The following GFRAL variants were observed in gnomAD, a reference collection of about 807,000 sequenced individuals.
GFRAL encodes the protein GDNF family receptor alpha like.
A neutral mutation model predicts 45.4 loss-of-function variants in GFRAL; 36 were observed. That is an observed-to-expected ratio of 0.79 (90% CI 0.61 to 1.05). The LOEUF (loss-of-function observed/expected upper bound fraction) is 1.05, where lower values mean the gene tolerates loss of function less well. GFRAL is among the 50% of genes least tolerant of loss of function. GFRAL has a pLI of 0.00. For synonymous variants in GFRAL, 166 were observed against 154.1 expected (o/e 1.08, Z -0.57); for missense variants, 507 against 467.5 (o/e 1.08, Z -0.78).
At chr6:55,334,051 A>T in intron 3 of GFRAL, 107 bp downstream of exon 3, 6 of 748,128 alleles carry the variant, frequency 8.0e-6, no homozygotes, top group Non-Finnish European at 1.0e-5. Flanking sequence ...AATTTGATTA[A>T]TTCTTTTCAA....
Position 55,401,822 on chromosome 6 carries a change from C to T in GFRAL, c.1154C>T (p.Pro385Leu). 1.3e-6 allele frequency: 2 copies of T among 1,551,922 alleles called. No homozygotes were observed. The highest frequency in any genetic ancestry group is 1.8e-6 in the Non-Finnish European group (2 of 1,123,054). ...TSRISSKARDPSSIQIPGEL is the reference protein window; with the variant it reads ...TSRISSKARDLSSIQIPGEL The stretch of plus-strand genomic sequence containing the variant: ...AGAATATCAAGTAAAGCAAGAGATC[C>T]TTCATCGATCCAAATACCTGGAGAA... The change falls in exon 9 of 9, where the codon CCT becomes CTT. Residue 385 changes from proline to leucine, a missense_variant. By Grantham distance (98) the Pro-to-Leu change is moderately conservative. Transcript: ENST00000340465.
At chr6:55,349,696 A>C (rs573670817) in intron 3 of GFRAL, among the ~76,000 whole-genome samples, 10 of 152,144 alleles carry the variant, frequency 6.6e-5, no homozygotes, top group African/African-American at 2.4e-4. Context: ...ATACTAAAGA[A>C]GACCCTTCTG....
rs150937123 is a variant in GFRAL, at chr6:55,335,143, A to G, written c.316+1199A>G. ...AATGTATAAAAGTTCCTGTTGCTTC[A>G]TATTCCCAGCAACACATTTTTTTGC... On this transcript the variant is annotated intron_variant, in intron 3 of 8. Coordinates refer to ENST00000340465, the MANE Select transcript of GFRAL (RefSeq NM_207410.2). 3.9e-5 allele frequency among the ~76,000 whole-genome samples: 6 copies of G among 152,282 alleles called. No individual in the cohort carries two copies. In the East Asian group the frequency reaches 1.2e-3, roughly 29 times the overall value.
intron 6 of GFRAL, among the ~76,000 whole-genome samples, chr6:55,395,173 A>ATATATATATATATATATATATATATAT (rs35935725): frequency 1.3e-4 from 13 of 103,556 alleles, no homozygotes; most frequent in African/African-American, 6.5e-4. Flanking sequence ...AAAAAAAAAA[A>ATATATATATATATATATATATATATAT]AAATATATAT....
intron 2 of GFRAL, among the ~76,000 whole-genome samples, chr6:55,332,717 T>A (rs1293133796): frequency 6.6e-6 from 1 of 152,130 alleles, no homozygotes; most frequent in East Asian, 1.9e-4. Flanking sequence ...CCACCGTGCC[T>A]GGCCTATATT....
intron 6 of GFRAL, among the ~76,000 whole-genome samples, chr6:55,373,087 C>CG (rs1554190145): frequency 4.7e-5 from 6 of 127,590 alleles, no homozygotes; most frequent in Admixed American, 7.6e-5. Flanking sequence ...AGCAAAACCT[C>CG]AAAAAAAAAA....
chr6:55,348,951 G>A (rs1478825613), intron 3 of GFRAL, among the ~76,000 whole-genome samples: 1 of 151,972 alleles, frequency 6.6e-6, no homozygotes, highest in East Asian at 1.9e-4. Flanking sequence ...CTAGACTTTT[G>A]TACCTGTTAC....
chr6:55,379,765 T>G (rs1219673306), intron 6 of GFRAL, among the ~76,000 whole-genome samples: 2 of 151,938 alleles, frequency 1.3e-5, no homozygotes, highest in African/African-American at 4.8e-5. Context: ...CTGAATTTTT[T>G]CTTCCTATCT....
intron 6 of GFRAL, among the ~76,000 whole-genome samples, 167 bp from the exon 7 acceptor site, chr6:55,399,012 AG>A (rs1768861970): frequency 2.0e-5 from 3 of 152,140 alleles, no homozygotes; most frequent in African/African-American, 7.2e-5. Context: ...GGGGAAAAAC[AG>A]GCTGTTAAAA....
At chr6:55,368,753 T>TG (rs902847125) in intron 6 of GFRAL, among the ~76,000 whole-genome samples, 16 of 152,140 alleles carry the variant, frequency 1.1e-4, no homozygotes, top group South Asian at 8.3e-4. Flanking sequence ...TTAGGCTGCT[T>TG]GGGGGTCAGG....
intron 3 of GFRAL, among the ~76,000 whole-genome samples, chr6:55,346,928 T>C (rs1203348836): frequency 6.8e-6 from 1 of 147,854 alleles, no homozygotes; most frequent in Non-Finnish European, 1.5e-5. Context: ...CTATAACCTG[T>C]AATATTGGTG....
chr6:55,395,352 A>T (rs1037865513), intron 6 of GFRAL, among the ~76,000 whole-genome samples: 5 of 151,794 alleles, frequency 3.3e-5, no homozygotes, highest in African/African-American at 1.2e-4. Flanking sequence ...ACCTCCACAT[A>T]TGAAATATAA....
chr6:55,373,820 T>C (rs949583685), intron 6 of GFRAL, among the ~76,000 whole-genome samples: 12 of 151,996 alleles, frequency 7.9e-5, no homozygotes, highest in African/African-American at 2.7e-4. Context: ...CATGCCATAG[T>C]GGTTTGCTGC....
chr6:55,392,635 A>C (rs1768768682), intron 6 of GFRAL, among the ~76,000 whole-genome samples: 1 of 152,172 alleles, frequency 6.6e-6, no homozygotes, highest in Admixed American at 6.5e-5. Flanking sequence ...TAGCACTTGA[A>C]AGGTCAGGCA....
intron 5 of GFRAL, among the ~76,000 whole-genome samples, chr6:55,353,094 G>T (rs570833764): frequency 6.6e-5 from 10 of 152,136 alleles, no homozygotes; most frequent in African/African-American, 2.4e-4. Context: ...AGTGTGCAAA[G>T]GGGAGAGAAA....
At chr6:55,333,129 A>G (rs955421554) in intron 2 of GFRAL, among the ~76,000 whole-genome samples, 4 of 152,142 alleles carry the variant, frequency 2.6e-5, no homozygotes, top group African/African-American at 9.6e-5. Context: ...GTAAATTGCA[A>G]TAATATTTGC....
Position 55,350,081 on chromosome 6 carries a change from T to C in GFRAL, c.317-11T>C. 1.4e-6 allele frequency: 2 copies of C among 1,465,060 alleles called. No homozygotes were observed. The highest frequency in any genetic ancestry group is 1.9e-6 in the Non-Finnish European group (2 of 1,048,034). 90.8% of individuals were successfully genotyped at this position (1,465,060 alleles called of 1,614,324 possible). ...TTCAATAATGAAATAATTTCTTTGT[T>C]TTCCTTCTAGATAACGTGAAAGAGG... is the stretch of plus-strand genomic sequence containing the variant. On this transcript the variant is annotated splice_polypyrimidine_tract_variant and intron_variant, in intron 3 of 8. Coordinates refer to ENST00000340465, the MANE Select transcript of GFRAL (RefSeq NM_207410.2).
At position 55,333,989 on chromosome 6, in the gene GFRAL, G is replaced by A. The variant is rs1037514806; in HGVS notation, c.316+45G>A. 5.0e-6 allele frequency: 6 copies of A among 1,206,812 alleles called. No homozygotes were observed. In the African/African-American group the frequency reaches 9.3e-5, roughly 19 times the overall value. The allele number at this position is 1,206,812 out of a possible 1,614,324, so 74.8% of individuals were successfully genotyped here. ...AATGTTTATAGTCATGAAAAAGAAA[G>A]CAACAATTTCAAAATTAACCACATC... On this transcript the variant is annotated intron_variant, in intron 3 of 8. Transcript: ENST00000340465.
rs1204276328 is a variant in GFRAL at position 55,401,937 on chromosome 6, C to G, written c.*84C>G. The stretch of plus-strand genomic sequence containing the variant: ...CTTTTCTTCTCTCCTCTCCTCTCCT[C>G]TCTTCTCCTCTCCTCCCCTCCCCTC... On this transcript the variant is annotated 3_prime_UTR_variant, in exon 9 of 9. Coordinates refer to ENST00000340465, the MANE Select transcript of GFRAL (RefSeq NM_207410.2). The G allele has an allele frequency of 6.8e-6, 5 of 738,758 alleles. No homozygotes were observed. The highest frequency in any genetic ancestry group is 3.6e-5 in the African/African-American group (2 of 55,646). The allele number at this position is 738,758 out of a possible 1,614,324, so 45.8% of individuals were successfully genotyped here. A position where few individuals can be genotyped will look rare whatever the true frequency, so the allele number is the denominator to read the frequency against.
Sources: gnomAD v4.1 joint callset for allele counts (sites outside exome capture counted in the v4.1 genomes callset) on GRCh38, gnomAD v4.1.1 for gene constraint, MANE v1.5 for transcripts, NCBI Gene and HGNC (gene_info 2026-07-23, HGNC 2026-07-21) for gene names.